The following MAGI2 variants were observed in gnomAD, a reference collection of about 807,000 sequenced individuals.
The protein encoded by MAGI2 is membrane-associated guanylate kinase, WW and PDZ domain-containing protein 2.
A neutral mutation model predicts 133.3 loss-of-function variants in MAGI2; 35 were observed. The ratio of observed to expected loss-of-function variants is 0.26; its 90% CI spans 0.20 to 0.35. MAGI2 has a LOEUF of 0.35. MAGI2 is among the 10% of genes least tolerant of loss of function. The probability of loss-of-function intolerance (pLI) is 1.00; values close to 1 mark genes in which losing one functional copy is unlikely to be tolerated. For synonymous variants in MAGI2, 729 were observed against 710.6 expected, an observed-to-expected ratio of 1.03 and a Z score of -0.41; for missense variants, 1,636 against 1,863.4, an observed-to-expected ratio of 0.88 and a Z score of 2.25.
chr7:78,233,210 G>A (rs937818794), intron 10 of MAGI2, among the ~76,000 whole-genome samples: 1 of 152,104 alleles, frequency 6.6e-6, no homozygotes, highest in Admixed American at 6.5e-5. Flanking sequence ...AGGTTACAGA[G>A]TGATAAAACA....
At chr7:78,570,485 G>C (rs939884688) in intron 3 of MAGI2, among the ~76,000 whole-genome samples, 3 of 152,136 alleles carry the variant, frequency 2.0e-5, no homozygotes, top group Admixed American at 1.3e-4. Flanking sequence ...GAAGCAGGAC[G>C]AATCAAGTAA....
At chr7:78,737,075 A>G (rs1014042934) in intron 2 of MAGI2, among the ~76,000 whole-genome samples, 11 of 152,218 alleles carry the variant, frequency 7.2e-5, no homozygotes, top group African/African-American at 2.7e-4. Context: ...TTTCTTGAAG[A>G]TAAAGTAAAC....
chr7:78,768,899 T>C (rs887298217), intron 2 of MAGI2, among the ~76,000 whole-genome samples: 4 of 152,092 alleles, frequency 2.6e-5, no homozygotes, highest in Non-Finnish European at 5.9e-5. Flanking sequence ...CATCCTAAAA[T>C]GCTATACAAT....
intron 1 of MAGI2, among the ~76,000 whole-genome samples, chr7:79,045,516 T>TCTATCCAA (rs1326113482): frequency 1.3e-5 from 2 of 152,220 alleles, no homozygotes; most frequent in Non-Finnish European, 2.9e-5. Flanking sequence ...GTTGTAGAGA[T>TCTATCCAA]GGCAAACAGG....
chr7:78,717,990 AACTTT>A (rs539865678), intron 2 of MAGI2, among the ~76,000 whole-genome samples: 59 of 152,320 alleles, frequency 3.9e-4, no homozygotes, highest in South Asian at 1.2e-3. Context: ...ATCCTTTGTA[AACTTT>A]ACTTCTTGTC....
At chr7:79,340,996 AT>A (rs1236270513) in intron 1 of MAGI2, among the ~76,000 whole-genome samples, 2 of 152,136 alleles carry the variant, frequency 1.3e-5, no homozygotes, top group African/African-American at 4.8e-5. Flanking sequence ...GCAAACACCT[AT>A]TATAAAAATT....
chr7:78,600,142 A>C (rs1272475405), intron 3 of MAGI2, among the ~76,000 whole-genome samples: 2 of 152,198 alleles, frequency 1.3e-5, no homozygotes, highest in Non-Finnish European at 2.9e-5. Context: ...GATTATCTTA[A>C]TAATCTTTTA....
At chr7:78,019,999 T>C in intron 21 of MAGI2, 23 bp from the exon 22 acceptor site, 1 of 1,578,422 alleles carries the variant, frequency 6.3e-7, no homozygotes, top group Non-Finnish European at 8.6e-7. Context: ...AGCACAGGCG[T>C]TAGCAGTGGC....
intron 1 of MAGI2, among the ~76,000 whole-genome samples, chr7:79,395,826 C>A (rs568788940): frequency 6.6e-6 from 1 of 152,214 alleles, no homozygotes; most frequent in Non-Finnish European, 1.5e-5. Flanking sequence ...ATCAGATACT[C>A]TAGAATAGCT....
At chr7:79,049,668 G>A (rs1412075235) in intron 1 of MAGI2, among the ~76,000 whole-genome samples, 3 of 151,442 alleles carry the variant, frequency 2.0e-5, no homozygotes, top group Non-Finnish European at 2.9e-5. Flanking sequence ...TCTAAAATCG[G>A]CCTTGTTATT....
intron 6 of MAGI2, among the ~76,000 whole-genome samples, chr7:78,442,512 T>G (rs1276001323): frequency 6.6e-6 from 1 of 152,202 alleles, no homozygotes; most frequent in Non-Finnish European, 1.5e-5. Flanking sequence ...TATCTAGGCT[T>G]GTTATGCCTC....
intron 1 of MAGI2, among the ~76,000 whole-genome samples, chr7:79,321,988 T>C (rs1190764740): frequency 6.6e-6 from 1 of 152,152 alleles, no homozygotes; most frequent in Non-Finnish European, 1.5e-5. Context: ...AGATTATGAA[T>C]TTTCAAAACA....
intron 2 of MAGI2, among the ~76,000 whole-genome samples, chr7:78,963,765 G>A (rs1803067603): frequency 6.6e-6 from 1 of 151,892 alleles, no homozygotes; most frequent in Non-Finnish European, 1.5e-5. Context: ...TAATGGAATA[G>A]GTATACAGAT....
chr7:79,100,958 C>A (rs934564326), intron 1 of MAGI2, among the ~76,000 whole-genome samples: 4 of 151,830 alleles, frequency 2.6e-5, no homozygotes, highest in Non-Finnish European at 1.5e-5. Flanking sequence ...GATAAAAATG[C>A]CATTTTATCA....
intron 9 of MAGI2, among the ~76,000 whole-genome samples, chr7:78,320,697 C>T (rs938471120): frequency 6.6e-6 from 1 of 152,116 alleles, no homozygotes; most frequent in African/African-American, 2.4e-5. Context: ...GAAGTACTCC[C>T]TTGGAAAACT....
chr7:78,612,970 G>A (rs556992871), intron 3 of MAGI2, among the ~76,000 whole-genome samples: 5 of 151,902 alleles, frequency 3.3e-5, no homozygotes, highest in South Asian at 2.1e-4. Context: ...GCGCCAGGCC[G>A]AAAATGACGT....
chr7:78,713,351 G>A (rs899198821), intron 2 of MAGI2, among the ~76,000 whole-genome samples: 4 of 152,090 alleles, frequency 2.6e-5, no homozygotes, highest in Non-Finnish European at 2.9e-5. Flanking sequence ...AAATTGAATA[G>A]GCCCTGGTTA....
intron 5 of MAGI2, among the ~76,000 whole-genome samples, chr7:78,492,002 C>T (rs1007580934): frequency 6.6e-6 from 1 of 151,576 alleles, no homozygotes; most frequent in African/African-American, 2.4e-5. Flanking sequence ...TTGTCCTCAC[C>T]TGCTTCTTCC....
intron 1 of MAGI2, among the ~76,000 whole-genome samples, chr7:79,377,721 G>A (rs138688974): frequency 6.6e-6 from 1 of 151,832 alleles, no homozygotes; most frequent in Non-Finnish European, 1.5e-5. Context: ...GGCATCACTG[G>A]AGGGAACAAT....
Sources: allele counts gnomAD v4.1 joint callset (sites outside exome capture counted in the v4.1 genomes callset), GRCh38; gene constraint gnomAD v4.1.1; transcripts MANE v1.5; gene names NCBI Gene and HGNC (gene_info 2026-07-23, HGNC 2026-07-21).